Variants in NDRG1 observed in about 807,000 individuals in gnomAD.
The protein encoded by NDRG1 is protein NDRG1.
A neutral mutation model predicts 56.9 loss-of-function variants in NDRG1; 32 were observed. That is an observed-to-expected ratio of 0.56 (90% CI 0.42 to 0.76). NDRG1 has a LOEUF of 0.76. Among genes scored for constraint, NDRG1 ranks in the 30% least tolerant of loss-of-function variants. The probability of loss-of-function intolerance (pLI) is 0.00; values close to 1 mark genes in which losing one functional copy is unlikely to be tolerated. For synonymous variants in NDRG1, 211 were observed against 204.1 expected (o/e 1.03, Z -0.29); for missense variants, 507 against 545.7 (o/e 0.93, Z 0.71).
At position 133,239,060 on chromosome 8, in the gene NDRG1, T is replaced by G; in HGVS notation, c.1003A>C (p.Thr335Pro). The change falls in exon 16 of 16, where the codon ACT becomes CCT. Residue 335 changes from threonine (T) to proline (P), a missense_variant. Thr to Pro is a conservative substitution (Grantham distance 38). Coordinates refer to ENST00000323851, the MANE Select transcript of NDRG1 (RefSeq NM_006096.4). ...RSRTASGSSV[T>P]SLDGTRSRSH... is the part of the protein sequence containing the mutation. Reference sequence around the variant, plus strand: ...CGGCTGCGGGTGCCATCCAGAGAAGTGACGCTGGAACCAGAGGCTGTGCGG... The same window carrying G: ...CGGCTGCGGGTGCCATCCAGAGAAGGGACGCTGGAACCAGAGGCTGTGCGG... 1 of 1,588,586 alleles carries G rather than the reference T, an allele frequency of 6.3e-7. No individual in the cohort carries two copies. Among genetic ancestry groups the G allele is most frequent in the Non-Finnish European group, 8.6e-7 (1 of 1,168,796 alleles).
At chr8:133,240,426 T>C (rs1318890318) in intron 15 of NDRG1, 3 of 152,260 alleles carry the variant, frequency 2.0e-5, no homozygotes, top group African/African-American at 7.2e-5. Context: ...GAGCTAGTTT[T>C]GAATTCAGAA....
At position 133,272,277 on chromosome 8, in the gene NDRG1, A is replaced by G. The variant is rs544199589; in HGVS notation, c.100-7625T>C. Among the ~76,000 whole-genome samples, 25 of 152,318 alleles carry G rather than the reference A, an allele frequency of 1.6e-4. No homozygotes were observed. The South Asian group carries it at 5.0e-3, about 30-fold the overall frequency. On this transcript the variant is annotated intron_variant, in intron 3 of 15. Coordinates refer to ENST00000323851, the MANE Select transcript of NDRG1 (RefSeq NM_006096.4). The stretch of plus-strand genomic sequence containing the variant: ...GTTCTCCAAGGAAACAAGAATTAGG[A>G]AGAACATCTTTGTTTGGATTAGGGT...
intron 11 of NDRG1, 35 bp from the exon 12 acceptor site, chr8:133,247,961 G>T: frequency 6.2e-7 from 1 of 1,609,860 alleles, no homozygotes; most frequent in African/African-American, 1.3e-5. Flanking sequence ...ATTAGCACAA[G>T]GTTCCTTTAA....
intron 9 of NDRG1, among the ~76,000 whole-genome samples, chr8:133,253,522 A>C (rs1272400552): frequency 6.6e-6 from 1 of 152,216 alleles, no homozygotes; most frequent in Non-Finnish European, 1.5e-5. Flanking sequence ...ACACTTGTGA[A>C]GCTCTTAGGA....
intron 15 of NDRG1, chr8:133,240,111 G>A (rs1194337717): frequency 6.6e-6 from 1 of 152,254 alleles, no homozygotes; most frequent in Admixed American, 6.5e-5. Context: ...CAGCGTTGGA[G>A]GGAGCAAGGC....
At chr8:133,258,989 CTA>C in intron 6 of NDRG1, 177 bp downstream of exon 6, 1 of 712,064 alleles carries the variant, frequency 1.4e-6, no homozygotes, top group Non-Finnish European at 2.5e-6. Flanking sequence ...AGGAGACAGA[CTA>C]GAGCTCAGAG....
chr8:133,260,472 G>A (rs1014195595), intron 5 of NDRG1, among the ~76,000 whole-genome samples: 2 of 152,164 alleles, frequency 1.3e-5, no homozygotes, highest in African/African-American at 2.4e-5. Context: ...GGGAAAATGC[G>A]CTGTAATACC....
chr8:133,249,831 G>C (rs879716823), intron 10 of NDRG1, among the ~76,000 whole-genome samples: 4 of 152,178 alleles, frequency 2.6e-5, no homozygotes, highest in Non-Finnish European at 5.9e-5. Flanking sequence ...ACACTATGAG[G>C]CTCATTTCTA....
chr8:133,262,957 A>G (rs1411096409), intron 4 of NDRG1, among the ~76,000 whole-genome samples: 1 of 152,236 alleles, frequency 6.6e-6, no homozygotes, highest in Non-Finnish European at 1.5e-5. Context: ...ATTGCCAAAT[A>G]GAACATGTCC....
intron 9 of NDRG1, among the ~76,000 whole-genome samples, chr8:133,252,967 G>A (rs1241231233): frequency 1.3e-5 from 2 of 151,964 alleles, no homozygotes; most frequent in Non-Finnish European, 1.5e-5. Flanking sequence ...TGGTGTACTC[G>A]CCAGCTCCAG....
At chr8:133,284,929 A>C (rs1041239203) in intron 1 of NDRG1, 12 of 442,664 alleles carry the variant, frequency 2.7e-5, no homozygotes, top group African/African-American at 2.2e-4. Flanking sequence ...GAAAACCTTA[A>C]GTCAAGGAGT....
At chr8:133,251,941 G>A (rs1422911366) in intron 9 of NDRG1, among the ~76,000 whole-genome samples, 2 of 152,222 alleles carry the variant, frequency 1.3e-5, no homozygotes, top group Non-Finnish European at 2.9e-5. Context: ...AGAGAGTGGT[G>A]TGAGCAGCCA....
intron 1 of NDRG1, among the ~76,000 whole-genome samples, chr8:133,296,338 G>C (rs947522592): frequency 1.1e-4 from 16 of 152,134 alleles, no homozygotes; most frequent in Non-Finnish European, 2.2e-4. Context: ...AAATGTCCGC[G>C]AGACCCCTCT....
At chr8:133,271,774 T>C (rs1325378646) in intron 3 of NDRG1, among the ~76,000 whole-genome samples, 2 of 83,664 alleles carry the variant, frequency 2.4e-5, no homozygotes, top group African/African-American at 1.1e-4. Flanking sequence ...AGGGAGACCC[T>C]GTCTAAAAAA....
chr8:133,290,159 C>T (rs747704538), intron 1 of NDRG1, among the ~76,000 whole-genome samples: 1 of 152,200 alleles, frequency 6.6e-6, no homozygotes, highest in Non-Finnish European at 1.5e-5. Flanking sequence ...CACCCACCTG[C>T]ACACCCTCTT....
intron 8 of NDRG1, among the ~76,000 whole-genome samples, 170 bp downstream of exon 8, chr8:133,256,607 C>T (rs1217439422): frequency 1.3e-5 from 2 of 152,212 alleles, no homozygotes; most frequent in Non-Finnish European, 2.9e-5. Context: ...CGGCTGAGGT[C>T]ATGTGTACTG....
At position 133,256,760 on chromosome 8, in the gene NDRG1, A is replaced by C; in HGVS notation, c.537+17T>G. ...TTCTTGCAGGGATCCCGCCGGCCTG[A>C]CAGGCCCCCACCTCACCTTGGAGGC... is the stretch of plus-strand genomic sequence containing the variant. On this transcript the variant is annotated intron_variant, in intron 8 of 15. Transcript: ENST00000323851. 1 of 1,613,588 alleles carries C rather than the reference A, an allele frequency of 6.2e-7. No individual in the cohort carries two copies. The highest frequency in any genetic ancestry group is 8.5e-7 in the Non-Finnish European group (1 of 1,179,696).
intron 1 of NDRG1, chr8:133,288,199 C>G (rs1464422843): frequency 8.5e-5 from 13 of 152,388 alleles, no homozygotes; most frequent in Admixed American, 8.5e-4. Flanking sequence ...GCACTCCCCA[C>G]CACCTTCATT....
intron 3 of NDRG1, among the ~76,000 whole-genome samples, chr8:133,279,777 C>A (rs996925077): frequency 2.0e-5 from 3 of 152,340 alleles, no homozygotes; most frequent in Non-Finnish European, 4.4e-5. Flanking sequence ...CTGAGGTGCA[C>A]CCCCTGGCCC....
Sources: allele counts gnomAD v4.1 joint callset (sites outside exome capture counted in the v4.1 genomes callset), GRCh38; gene constraint gnomAD v4.1.1; transcripts MANE v1.5; gene names NCBI Gene and HGNC (gene_info 2026-07-23, HGNC 2026-07-21).